CCDC77: variants seen among roughly 807,000 people sequenced by gnomAD.
CCDC77 encodes the protein coiled-coil domain-containing protein 77.
A neutral mutation model predicts 66.8 loss-of-function variants in CCDC77; 56 were observed. The ratio of observed to expected loss-of-function variants is 0.84; its 90% CI spans 0.68 to 1.05. The LOEUF (loss-of-function observed/expected upper bound fraction) is 1.05, where lower values mean the gene tolerates loss of function less well. CCDC77 is among the 50% of genes least tolerant of loss of function. The probability of loss-of-function intolerance (pLI) is 0.00; values close to 1 mark genes in which losing one functional copy is unlikely to be tolerated. For synonymous variants in CCDC77, 196 were observed against 195.2 expected, an observed-to-expected ratio of 1.00 and a Z score of -0.03; for missense variants, 570 against 576.8, an observed-to-expected ratio of 0.99 and a Z score of 0.12.
At chr12:416,307 ATGTGTG>A (rs144744794) in intron 4 of CCDC77, among the ~76,000 whole-genome samples, 2 of 86,766 alleles carry the variant, frequency 2.3e-5, no homozygotes, top group African/African-American at 4.7e-5. Context: ...TTAAGTGTTT[ATGTGTG>A]TGTGTGTGTG....
At position 392,060 on chromosome 12, in the gene CCDC77, A is replaced by G. The variant is rs141692099; in HGVS notation, c.-113+2574A>G. ...TCTATGAGGGCATTCTGCACACACA[A>G]TGTTAAACTGAGTCAATAGTATTTG... On this transcript the variant is annotated intron_variant, in intron 1 of 11. Coordinates refer to the CCDC77 transcript ENST00000422000. Among the ~76,000 whole-genome samples, 3 of 152,332 alleles carry G rather than the reference A, an allele frequency of 2.0e-5. No individual in the cohort carries two copies. In the East Asian group the frequency reaches 5.8e-4, roughly 29 times the overall value.
At chr12:407,527 A>G (rs187562717) in intron 2 of CCDC77, among the ~76,000 whole-genome samples, 256 of 152,232 alleles carry the variant, frequency 1.7e-3, no homozygotes, top group Middle Eastern at 3.4e-3. Context: ...TGAGGCATCA[A>G]TTTGAAAACT....
At chr12:400,577 G>A (rs561543961), upstream of CCDC77, among the ~76,000 whole-genome samples, 16 of 152,142 alleles carry the variant, frequency 1.1e-4, no homozygotes, top group Non-Finnish European at 1.5e-4. Flanking sequence ...CAGGAATAAG[G>A]AGGCAAGAAG....
intron 3 of CCDC77, chr12:409,627 C>G (rs1439795142): frequency 3.8e-5 from 22 of 578,080 alleles, no homozygotes; most frequent in Non-Finnish European, 6.8e-5. Context: ...AGCAATCCTC[C>G]CACCTCAGCC....
chr12:413,943 T>G (rs1020384697), intron 4 of CCDC77, among the ~76,000 whole-genome samples: 3 of 151,750 alleles, frequency 2.0e-5, no homozygotes, highest in Admixed American at 1.3e-4. Flanking sequence ...ATGTCTTGAC[T>G]GCAGTTTCAT....
intron 9 of CCDC77, among the ~76,000 whole-genome samples, chr12:435,733 T>C (rs1168432087): frequency 6.6e-6 from 1 of 152,158 alleles, no homozygotes; most frequent in East Asian, 1.9e-4. Context: ...CCTGTCTGAT[T>C]GTTTTGTTTC....
chr12:406,809 T>G (rs1944999908), intron 2 of CCDC77, among the ~76,000 whole-genome samples: 1 of 152,118 alleles, frequency 6.6e-6, no homozygotes, highest in Admixed American at 6.6e-5. Flanking sequence ...TAGCCAGGCT[T>G]GGTGGTATGT....
chr12:406,215 TGTAA>T (rs1184452892), intron 2 of CCDC77, among the ~76,000 whole-genome samples: 1 of 150,994 alleles, frequency 6.6e-6, no homozygotes, highest in Non-Finnish European at 1.5e-5. Context: ...TAGCCAAGGT[TGTAA>T]GTGTTAATGG....
intron 5 of CCDC77, among the ~76,000 whole-genome samples, chr12:419,583 G>C (rs1945362022): frequency 9.8e-6 from 1 of 102,228 alleles, no homozygotes. Context: ...TCTTCTGTGT[G>C]TGTGTGCTGG....
chr12:433,134 A>G, intron 8 of CCDC77, 40 bp from the exon 9 acceptor site: 1 of 1,578,148 alleles, frequency 6.3e-7, no homozygotes. Flanking sequence ...AAGTAAGTGG[A>G]AGTAGGGCTG....
chr12:418,176 G>T (rs1030841881), intron 4 of CCDC77, among the ~76,000 whole-genome samples: 5 of 152,120 alleles, frequency 3.3e-5, no homozygotes, highest in Admixed American at 6.6e-5. Flanking sequence ...AAAATTAGCC[G>T]GGCATGGTGG....
At chr12:436,658 G>C in intron 9 of CCDC77, 1 of 462,534 alleles carries the variant, frequency 2.2e-6, no homozygotes, top group Non-Finnish European at 2.8e-6. Flanking sequence ...TTAAGGAACA[G>C]ATATTTTAAT....
At chr12:439,318 G>A (rs535936904) in intron 10 of CCDC77, among the ~76,000 whole-genome samples, 33 of 151,688 alleles carry the variant, frequency 2.2e-4, no homozygotes, top group Non-Finnish European at 2.7e-4. Context: ...TCAGGAGTTC[G>A]AGACCAGCCT....
rs769504422 is a variant in CCDC77 at position 411,816 on chromosome 12, A to G, written c.108A>G (p.Ser36=). The G allele has an allele frequency of 6.2e-7, 1 of 1,614,126 alleles. No homozygotes were observed. The highest frequency in any genetic ancestry group is 8.5e-7 in the Non-Finnish European group (1 of 1,180,020). The part of the protein sequence containing the change: ...GPTKRRGMAD[S]LESTPLPSPE... The stretch of plus-strand genomic sequence containing the variant: ...CCAAGAGGAGGGGAATGGCAGATTC[A>G]CTGGAGTCAACCCCCTTGCCTTCCC... The change falls in exon 4 of 13, where the codon TCA becomes TCG. Residue 36 remains serine, a synonymous_variant. Transcript: ENST00000239830.
Position 440,842 on chromosome 12 carries a change from A to G in CCDC77, c.1168-2A>G. Reference sequence around the variant, plus strand: ...AAATGCCTTCCCATTCCCCATATTTAGGATCGCACTAACAAGATGGGGAAG... The same window carrying G: ...AAATGCCTTCCCATTCCCCATATTTGGGATCGCACTAACAAGATGGGGAAG... On this transcript the variant is annotated splice_acceptor_variant, in intron 11 of 12. Coordinates refer to ENST00000239830, the MANE Select transcript of CCDC77 (RefSeq NM_032358.4). LOFTEE classifies it high-confidence loss of function. 6.2e-7 allele frequency: 1 copy of G among 1,613,446 alleles called. No individual in the cohort carries two copies. Among genetic ancestry groups the G allele is most frequent in the Non-Finnish European group, 8.5e-7 (1 of 1,179,994 alleles).
At chr12:389,576 AGGCGGGGCGAGG>A (rs1944712522) in intron 1 of CCDC77, 1 of 273,246 alleles carries the variant, frequency 3.7e-6, no homozygotes, top group African/African-American at 2.3e-5. Context: ...AGGCGCAACG[AGGCGGGGCGAGG>A]CGCGACGCGA....
At chr12:438,601 T>C in intron 10 of CCDC77, 47 bp downstream of exon 10, 1 of 1,426,628 alleles carries the variant, frequency 7.0e-7, no homozygotes, top group Non-Finnish European at 9.7e-7. Context: ...TCTGGGAGAG[T>C]TGAAGGAATT....
intron 4 of CCDC77, among the ~76,000 whole-genome samples, chr12:416,291 G>A (rs1011188300): frequency 4.2e-5 from 6 of 143,224 alleles, no homozygotes; most frequent in Admixed American, 3.7e-4. Context: ...GTTCAGTTGA[G>A]TAGTGTTAAG....
At chr12:424,915 CTTTCT>C (rs1210981935) in intron 5 of CCDC77, among the ~76,000 whole-genome samples, 1 of 141,478 alleles carries the variant, frequency 7.1e-6, no homozygotes, top group African/African-American at 2.6e-5. Flanking sequence ...CACATGGTTT[CTTTCT>C]TTTTTTTTTT....
Sources: gnomAD v4.1 joint callset for allele counts (sites outside exome capture counted in the v4.1 genomes callset) on GRCh38, gnomAD v4.1.1 for gene constraint, MANE v1.5 for transcripts, NCBI Gene and HGNC (gene_info 2026-07-23, HGNC 2026-07-21) for gene names.